RNF111: variants seen among roughly 807,000 people sequenced by gnomAD.
The protein encoded by RNF111 is E3 ubiquitin-protein ligase Arkadia.
Under a neutral mutation model 95.1 loss-of-function variants are expected in RNF111, and 17 were observed. The observed-to-expected ratio is 0.18, with a 90% CI of 0.12 to 0.27. The LOEUF is 0.27. RNF111 is among the 10% of genes least tolerant of loss of function. The pLI, the probability that RNF111 is intolerant of heterozygous loss-of-function variation, is 1.00. For missense variants in RNF111, 1,189 were observed against 1,210.4 expected (o/e 0.98, Z 0.26); for synonymous variants, 440 against 414.8 (o/e 1.06, Z -0.74).
At position 59,081,269 on chromosome 15, in the gene RNF111, T is replaced by G; in HGVS notation, c.2282T>G (p.Met761Arg). Residue 761 changes from methionine to arginine, a missense_variant, in exon 8 of 14, where the codon ATG (methionine) becomes AGG (arginine). Transcript: ENST00000348370. ...AGGATGGAAGTTCAAAGGAGGAGGA[T>G]GATGCAGCATCCAACGTATGTTTTA... is the stretch of plus-strand genomic sequence containing the variant. ...MQRMEVQRRRMMQHPTRAHER... is the reference protein window; with the variant it reads ...MQRMEVQRRRRMQHPTRAHER... 2 of 1,613,724 alleles carry G rather than the reference T, an allele frequency of 1.2e-6. No individual in the cohort carries two copies. The highest frequency in any genetic ancestry group is 1.7e-6 in the Non-Finnish European group (2 of 1,179,794).
chr15:59,058,652 G>C, intron 5 of RNF111, 102 bp downstream of exon 5: 1 of 1,008,910 alleles, frequency 9.9e-7, no homozygotes, highest in Non-Finnish European at 1.5e-6. Context: ...TAATAAGCGG[G>C]TATTCTTACA....
intron 6 of RNF111, among the ~76,000 whole-genome samples, chr15:59,073,160 G>A (rs1016954835): frequency 7.2e-5 from 11 of 152,082 alleles, no homozygotes; most frequent in Admixed American, 5.9e-4. Context: ...GCAACACAGT[G>A]AGACCTTGTC....
intron 6 of RNF111, among the ~76,000 whole-genome samples, chr15:59,068,223 A>C (rs1054263822): frequency 6.6e-6 from 1 of 151,040 alleles, no homozygotes; most frequent in African/African-American, 2.4e-5. Context: ...CTGTCTCAAA[A>C]AACAACAACA....
chr15:59,052,858 G>A (rs890252225), intron 3 of RNF111, among the ~76,000 whole-genome samples: 2 of 152,052 alleles, frequency 1.3e-5, no homozygotes, highest in Non-Finnish European at 2.9e-5. Context: ...TATACAATGA[G>A]AGTTAAGAGT....
At chr15:59,012,003 C>CTTTTTTTTTTTTTTTTTTTTTTTTTT (rs71425836) in intron 1 of RNF111, among the ~76,000 whole-genome samples, 2 of 40,450 alleles carry the variant, frequency 4.9e-5, no homozygotes, top group African/African-American at 1.7e-4. Flanking sequence ...GTTTGTTTGC[C>CTTTTTTTTTTTTTTTTTTTTTTTTTT]TTTTTTTTTT....
At chr15:59,016,661 T>C (rs2040081987) in intron 1 of RNF111, among the ~76,000 whole-genome samples, 1 of 152,236 alleles carries the variant, frequency 6.6e-6, no homozygotes, top group African/African-American at 2.4e-5. Context: ...CACAAGGATG[T>C]GCTCACTGCT....
intron 2 of RNF111, among the ~76,000 whole-genome samples, chr15:59,047,657 C>G (rs116343303): frequency 7.2e-5 from 11 of 152,042 alleles, no homozygotes; most frequent in Non-Finnish European, 1.2e-4. Flanking sequence ...CTCACTGCAA[C>G]GTGCGTCTCC....
intron 1 of RNF111, among the ~76,000 whole-genome samples, chr15:59,003,391 C>T (rs541033571): frequency 1.6e-3 from 239 of 151,552 alleles, no homozygotes; most frequent in Non-Finnish European, 3.1e-3. Context: ...AGGTGTGAGC[C>T]GCCACACCCG....
At chr15:59,067,969 T>C (rs556762597) in intron 6 of RNF111, among the ~76,000 whole-genome samples, 38 of 152,236 alleles carry the variant, frequency 2.5e-4, no homozygotes, top group Non-Finnish European at 4.8e-4. Context: ...TTGGTATTAT[T>C]ATTGAGTTCG....
chr15:59,087,939 A>T (rs554937514), intron 10 of RNF111, among the ~76,000 whole-genome samples: 1 of 152,322 alleles, frequency 6.6e-6, no homozygotes, highest in Admixed American at 6.5e-5. Context: ...AGTGATGTAG[A>T]TGGGGCACCT....
intron 1 of RNF111, among the ~76,000 whole-genome samples, chr15:59,024,988 A>G (rs1192276931): frequency 6.6e-6 from 1 of 152,206 alleles, no homozygotes; most frequent in Non-Finnish European, 1.5e-5. Flanking sequence ...TCCATGTTGT[A>G]ATGCGTCAGG....
At chr15:59,038,784 C>T (rs1296445379) in intron 2 of RNF111, among the ~76,000 whole-genome samples, 4 of 152,182 alleles carry the variant, frequency 2.6e-5, no homozygotes, top group Non-Finnish European at 4.4e-5. Context: ...AGTTTAGTTC[C>T]GGCAGTACTT....
chr15:59,060,247 T>C (rs1248883043), intron 5 of RNF111, among the ~76,000 whole-genome samples: 2 of 152,078 alleles, frequency 1.3e-5, no homozygotes, highest in African/African-American at 4.8e-5. Flanking sequence ...GTTGAGTACA[T>C]ACTCTTTTCT....
At chr15:58,992,281 G>A (rs2038852848) in intron 1 of RNF111, among the ~76,000 whole-genome samples, 1 of 152,140 alleles carries the variant, frequency 6.6e-6, no homozygotes, top group African/African-American at 2.4e-5. Flanking sequence ...GTGATCTCAG[G>A]TGATTCGCCC....
intron 6 of RNF111, 42 bp downstream of exon 6, chr15:59,067,125 G>C: frequency 2.8e-6 from 4 of 1,449,364 alleles, no homozygotes; most frequent in South Asian, 1.2e-5. Context: ...TGCCCCTCTT[G>C]TCTCTCTCTC....
Position 59,031,685 on chromosome 15 carries a change from A to G in RNF111, c.863A>G (p.Asn288Ser), listed in dbSNP as rs749198183. ...FVSASENHQN[N>S]PAVPSGSIDE... ...TCTGCCAGTGAAAACCACCAAAACA[A>G]TCCAGCTGTTCCCTCAGGTAAAAAT... The change falls in exon 2 of 14, where the codon AAT becomes AGT. Residue 288 changes from asparagine (N) to serine (S), a missense_variant. Physicochemically the swap from Asn to Ser is conservative, Grantham distance 46 (BLOSUM62 1). Around this residue, in one of 2 missense-constraint regions of RNF111, gnomAD observed 1,024 missense variants for 925.9 expected, o/e 1.11. Coordinates refer to ENST00000348370, the MANE Select transcript of RNF111 (RefSeq NM_017610.8). The G allele has an allele frequency of 6.2e-7, 1 of 1,613,494 alleles. No individual in the cohort carries two copies.
At chr15:59,037,623 G>A (rs2141833434) in intron 2 of RNF111, among the ~76,000 whole-genome samples, 1 of 152,222 alleles carries the variant, frequency 6.6e-6, no homozygotes, top group African/African-American at 2.4e-5. Flanking sequence ...GATCACCTGA[G>A]GTCTGGAGTT....
rs2040981032 is a variant in RNF111, at chr15:59,032,836, G to T, written c.880+1134G>T. On this transcript the variant is annotated intron_variant, in intron 2 of 13. Coordinates refer to ENST00000348370, the MANE Select transcript of RNF111 (RefSeq NM_017610.8). ...GATACATCAATTAAAATTGGGTAGGGACTATTTCCTATCAGTGCTCTTGAG... is the reference window on the plus strand; with the variant it reads ...GATACATCAATTAAAATTGGGTAGGTACTATTTCCTATCAGTGCTCTTGAG... Among the ~76,000 whole-genome samples the T allele has an allele frequency of 2.0e-5, 3 of 152,140 alleles. 1 individual carries two copies.
chr15:59,027,304 A>G (rs1432924373), intron 1 of RNF111, among the ~76,000 whole-genome samples: 1 of 152,190 alleles, frequency 6.6e-6, no homozygotes, highest in Non-Finnish European at 1.5e-5. Context: ...TCCAACATAC[A>G]TCATGAGACT....
Sources: gnomAD v4.1 joint callset for allele counts (sites outside exome capture counted in the v4.1 genomes callset) on GRCh38, gnomAD v4.1.1 for gene constraint, gnomAD v4.1.1 regional missense constraint, MANE v1.5 for transcripts, NCBI Gene and HGNC (gene_info 2026-07-23, HGNC 2026-07-21) for gene names.